Variants in SASH1 observed in about 807,000 individuals in gnomAD.
The protein encoded by SASH1 is SAM and SH3 domain containing 1, also known as SAM and SH3 domain-containing protein 1.
Under a neutral mutation model 125.2 loss-of-function variants are expected in SASH1, and 44 were observed. The observed-to-expected ratio is 0.35, with a 90% CI of 0.28 to 0.45. The LOEUF is 0.45. SASH1 is among the 20% of genes least tolerant of loss of function. The probability of loss-of-function intolerance (pLI) is 1.00; values close to 1 mark genes in which losing one functional copy is unlikely to be tolerated. For synonymous variants in SASH1, 639 were observed against 649.1 expected, an observed-to-expected ratio of 0.98 and a Z score of 0.24; for missense variants, 1,426 against 1,614.5, an observed-to-expected ratio of 0.88 and a Z score of 2.00.
intron 1 of SASH1, among the ~76,000 whole-genome samples, chr6:148,298,080 C>T (rs530524296): frequency 1.1e-4 from 16 of 149,518 alleles, no homozygotes; most frequent in Non-Finnish European, 1.9e-4. Flanking sequence ...GGTCTTGGCT[C>T]GCTGCAACCT....
chr6:148,532,334 C>G lies in SASH1; in HGVS notation c.1565-463C>G, dbSNP rs1035948932. 1.3e-5 allele frequency among the ~76,000 whole-genome samples: 2 copies of G among 152,210 alleles called. No homozygotes were observed. The highest frequency in any genetic ancestry group is 4.8e-5 in the African/African-American group (2 of 41,458). ...CTGCCCACCTCGGCCTCCTAAAGTG[C>G]TGGGATTATAGGCGTGAGCCACCGT... is the stretch of plus-strand genomic sequence containing the variant. On this transcript the variant is annotated intron_variant, in intron 13 of 19. Coordinates refer to ENST00000367467, the MANE Select transcript of SASH1 (RefSeq NM_015278.5). The surrounding 1 kb of genome is among the most constrained non-coding windows in gnomAD (Gnocchi z 4.7).
intron 2 of SASH1, among the ~76,000 whole-genome samples, chr6:148,402,187 C>CTA (rs1315101795): frequency 6.6e-6 from 1 of 152,186 alleles, no homozygotes; most frequent in East Asian, 1.9e-4. Context: ...CATGTCTAAA[C>CTA]CTCAGGGTAC....
intron 7 of SASH1, among the ~76,000 whole-genome samples, chr6:148,477,224 C>A (rs1000030921): frequency 6.6e-6 from 1 of 152,128 alleles, no homozygotes; most frequent in East Asian, 1.9e-4. Context: ...GGGATTACAT[C>A]ATGTTAAAAT....
rs1783465837 is a variant in SASH1 at position 148,387,600 on chromosome 6, CTTT to C, written c.157-2533_157-2531del. Among the ~76,000 whole-genome samples the C allele has an allele frequency of 1.5e-4, 2 of 12,984 alleles. 1 individual carries two copies. 8.5% of individuals were successfully genotyped at this position (12,984 alleles called of 152,430 possible). The stretch of plus-strand genomic sequence containing the variant: ...TCTTTCTTTCTTTCTTTCTTTCTTT[CTTT>C]CTTTCTTTCTTTCTTTCTTTCTTTC... On this transcript the variant is annotated intron_variant, in intron 1 of 19. Coordinates refer to ENST00000367467, the MANE Select transcript of SASH1 (RefSeq NM_015278.5).
the SASH1 span, among the ~76,000 whole-genome samples, chr6:148,238,354 G>C: frequency 2.0e-5 from 3 of 151,992 alleles, no homozygotes; most frequent in Admixed American, 6.6e-5. Context: ...CTCCCAAGTA[G>C]CTGGAATTAC....
At chr6:148,434,457 A>C (rs1416475539) in intron 2 of SASH1, among the ~76,000 whole-genome samples, 1 of 152,096 alleles carries the variant, frequency 6.6e-6, no homozygotes, top group Admixed American at 6.6e-5. Flanking sequence ...ATTCAGTGAG[A>C]TATACTCTCA....
chr6:148,326,374 A>ATATATATATG (rs1384320272), intron 1 of SASH1, among the ~76,000 whole-genome samples: 6 of 42,720 alleles, frequency 1.4e-4, no homozygotes, highest in Non-Finnish European at 1.9e-4. Context: ...ATATATATAT[A>ATATATATATG]CATTCTTTTC....
chr6:148,253,742 C>T, the SASH1 span, among the ~76,000 whole-genome samples: 4 of 151,902 alleles, frequency 2.6e-5, no homozygotes, highest in Admixed American at 1.3e-4. Context: ...CATGGTGGCA[C>T]GTGCCTGTAG....
At chr6:148,405,358 G>T (rs1397177538) in intron 2 of SASH1, among the ~76,000 whole-genome samples, 2 of 152,088 alleles carry the variant, frequency 1.3e-5, no homozygotes, top group African/African-American at 4.8e-5. Context: ...TCCAACTCTT[G>T]TCCCTTCTTC....
chr6:148,438,743 A>AC, intron 2 of SASH1, among the ~76,000 whole-genome samples: 1 of 128,614 alleles, frequency 7.8e-6, no homozygotes, highest in Non-Finnish European at 1.6e-5. Context: ...AAAAAAAAAA[A>AC]AAACCAAAAC....
At chr6:148,527,365 C>G (rs1183389837) in intron 11 of SASH1, 88 bp from the exon 12 acceptor site, 1 of 1,196,194 alleles carries the variant, frequency 8.4e-7, no homozygotes, top group African/African-American at 1.6e-5. Flanking sequence ...GTCAATATTT[C>G]TGAGAGCTAG....
chr6:148,532,780 C>A lies in SASH1; in HGVS notation c.1565-17C>A, dbSNP rs1373514936. 1 of 1,613,662 alleles carries A rather than the reference C, an allele frequency of 6.2e-7. No homozygotes were observed. Among genetic ancestry groups the A allele is most frequent in the East Asian group, 2.2e-5 (1 of 44,868 alleles). ...AAATCTGGATCTACCCGTGTTCTTC[C>A]TATGTTTCCTGTACAGGCGGTCAAA... On this transcript the variant is annotated splice_polypyrimidine_tract_variant and intron_variant, in intron 13 of 19. Transcript: ENST00000367467. The surrounding 1 kb of genome is among the most constrained non-coding windows in gnomAD (Gnocchi z 4.7).
In SASH1 at chr6:148,551,429, G is replaced by C. The variant is rs1782872712; in HGVS notation, c.*2871G>C. 1 of 152,552 alleles carries C rather than the reference G, an allele frequency of 6.6e-6. No homozygotes were observed. Among genetic ancestry groups the C allele is most frequent in the Non-Finnish European group, 1.5e-5 (1 of 68,040 alleles). The allele number at this position is 152,552 out of a possible 1,614,324, so 9.4% of individuals were successfully genotyped here. On this transcript the variant is annotated 3_prime_UTR_variant, in exon 20 of 20. Coordinates refer to ENST00000367467, the MANE Select transcript of SASH1 (RefSeq NM_015278.5). ...TTTTCACTTCAAAGCTGTCTGGAAGGAAATGCAGTCAGCTCCAGCTAGTAC... is the reference window on the plus strand; with the variant it reads ...TTTTCACTTCAAAGCTGTCTGGAAGCAAATGCAGTCAGCTCCAGCTAGTAC...
At chr6:148,248,048 T>C in the SASH1 span, among the ~76,000 whole-genome samples, 2 of 152,354 alleles carry the variant, frequency 1.3e-5, no homozygotes, top group Non-Finnish European at 2.9e-5. Context: ...TGCTAAGCCC[T>C]TATTTCAAGT....
chr6:148,507,785 A>G (rs1316591004), intron 8 of SASH1, among the ~76,000 whole-genome samples: 1 of 152,182 alleles, frequency 6.6e-6, no homozygotes, highest in East Asian at 1.9e-4. Flanking sequence ...GTGATGTCCT[A>G]TAAAGAGCAT....
upstream of SASH1, among the ~76,000 whole-genome samples, chr6:148,269,996 C>A (rs1037320301): frequency 1.3e-5 from 2 of 150,548 alleles, no homozygotes; most frequent in African/African-American, 2.4e-5. Flanking sequence ...TTATTTTCTG[C>A]CGTACACCAT....
chr6:148,386,469 AGTGTGGACCTCT>A (rs1402136168), intron 1 of SASH1, among the ~76,000 whole-genome samples: 3 of 152,224 alleles, frequency 2.0e-5, no homozygotes, highest in African/African-American at 7.2e-5. Context: ...GGAATACCTC[AGTGTGGACCTCT>A]GTGTATAAGA....
Position 148,544,739 on chromosome 6 carries a change from G to C in SASH1, c.3269G>C (p.Gly1090Ala), listed in dbSNP as rs1274917065. The change falls in exon 18 of 20, where the codon GGA becomes GCA. Residue 1090 changes from glycine (G) to alanine (A), a missense_variant. This residue lies in a region of SASH1 where 634 missense variants were observed against 694.4 expected (regional missense o/e 0.91). Transcript: ENST00000367467. This position sits in a 1 kb window ranked among gnomAD's most constrained non-coding sequence, Gnocchi z 6.4. ...ALTRKVSCAR[G>A]VDLETLTENK... is the part of the protein sequence containing the mutation. ...ACCAGGAAGGTCTCCTGTGCCCGGG[G>C]AGTGGATCTAGAAACGCTCACTGAA... 2 of 1,608,280 alleles carry C rather than the reference G, an allele frequency of 1.2e-6. No individual in the cohort carries two copies. Among genetic ancestry groups the C allele is most frequent in the Non-Finnish European group, 1.7e-6 (2 of 1,177,158 alleles).
the SASH1 span, among the ~76,000 whole-genome samples, chr6:148,249,111 C>T: frequency 1.3e-5 from 2 of 152,094 alleles, no homozygotes; most frequent in East Asian, 1.9e-4. Context: ...TAAAGAAGCA[C>T]GCCAGCAAAA....
Sources: gnomAD v4.1 joint callset for allele counts (sites outside exome capture counted in the v4.1 genomes callset) on GRCh38, gnomAD v4.1.1 for gene constraint, gnomAD v4.1.1 regional missense constraint, Gnocchi (gnomAD v3.1) non-coding constraint, MANE v1.5 for transcripts, NCBI Gene and HGNC (gene_info 2026-07-23, HGNC 2026-07-21) for gene names.